FAM228B: variants seen among roughly 807,000 people sequenced by gnomAD.
The protein encoded by FAM228B is protein FAM228B.
FAM228B carries 38 observed loss-of-function variants against 42.6 expected under a neutral mutation model. The observed-to-expected ratio is 0.89, with a 90% confidence interval of 0.69 to 1.17. FAM228B has a LOEUF of 1.17. Ranked by LOEUF, FAM228B falls within the 50% of genes most tolerant of loss-of-function variation. The pLI, the probability that FAM228B is intolerant of heterozygous loss-of-function variation, is 0.00. For synonymous variants in FAM228B, 109 were observed against 122.3 expected (o/e 0.89, Z 0.72); for missense variants, 344 against 367.3 (o/e 0.94, Z 0.52).
intron 7 of FAM228B, among the ~76,000 whole-genome samples, chr2:24,157,737 CA>C (rs11306778): frequency 0.83 from 120,735 of 145,652 alleles, 51,406 homozygotes; most frequent in Non-Finnish European, 0.93. Context: ...GACTCTGTCT[CA>C]AAAAAAAAAA....
At chr2:24,159,295 T>C (rs1667234594) in intron 7 of FAM228B, among the ~76,000 whole-genome samples, 1 of 152,194 alleles carries the variant, frequency 6.6e-6, no homozygotes, top group Non-Finnish European at 1.5e-5. Flanking sequence ...CATCAAAGAA[T>C]CATGTATTGA....
At chr2:24,098,688 A>G (rs1573735902) in intron 3 of FAM228B, among the ~76,000 whole-genome samples, 1 of 152,246 alleles carries the variant, frequency 6.6e-6, no homozygotes, top group Non-Finnish European at 1.5e-5. Flanking sequence ...TTCACAGCCA[A>G]ATTCTACCAG....
chr2:24,166,998 G>A (rs1667432631), intron 9 of FAM228B, among the ~76,000 whole-genome samples: 1 of 152,150 alleles, frequency 6.6e-6, no homozygotes, highest in African/African-American at 2.4e-5. Flanking sequence ...AGCCAGGCAG[G>A]TTGGGGTTAC....
chr2:24,145,116 A>G (rs952520267), intron 5 of FAM228B, among the ~76,000 whole-genome samples: 5 of 152,032 alleles, frequency 3.3e-5, no homozygotes, highest in Admixed American at 6.6e-5. Flanking sequence ...CTGCCCATCC[A>G]CCTGGCCGAC....
chr2:24,086,673 A>C lies in FAM228B; in HGVS notation c.-210+5718A>C, dbSNP rs182626927. Among the ~76,000 whole-genome samples, 4 of 152,248 alleles carry C rather than the reference A, an allele frequency of 2.6e-5. No homozygotes were observed. The South Asian group carries it at 8.3e-4, about 32-fold the overall frequency. Reference sequence around the variant, plus strand: ...GAGCCACTGTGCCCAGCAAGTTTCTATCTGCAATCTGGAAGCTAGAAGAGA... The same window carrying C: ...GAGCCACTGTGCCCAGCAAGTTTCTCTCTGCAATCTGGAAGCTAGAAGAGA... On this transcript the variant is annotated intron_variant, in intron 2 of 10. Transcript: ENST00000613899.
chr2:24,133,000 C>A (rs561269717), intron 2 of FAM228B, among the ~76,000 whole-genome samples: 2 of 152,130 alleles, frequency 1.3e-5, no homozygotes, highest in Non-Finnish European at 2.9e-5. Flanking sequence ...TTCTTTGGCT[C>A]CCTCTTTTCC....
intron 3 of FAM228B, chr2:24,096,373 T>G (rs570035545): frequency 6.6e-6 from 1 of 152,260 alleles, no homozygotes; most frequent in African/African-American, 2.4e-5. Context: ...CGCAAGGAAG[T>G]AAAACCCTTG....
Position 24,077,883 on chromosome 2 carries a change from A to C in FAM228B, c.-290+914A>C, listed in dbSNP as rs944619451. On this transcript the variant is annotated intron_variant, in intron 1 of 10. Transcript: ENST00000613899. The surrounding 1 kb of genome is among the most constrained non-coding windows in gnomAD (Gnocchi z 5.5). Reference sequence around the variant, plus strand: ...TCTGAAAAAGCACACAGGGACACTTAACCCCTCACTTCCTAGCATGTGTGT... The same window carrying C: ...TCTGAAAAAGCACACAGGGACACTTCACCCCTCACTTCCTAGCATGTGTGT... 18 of 1,021,724 alleles carry C rather than the reference A, an allele frequency of 1.8e-5. No individual in the cohort carries two copies. In the African/African-American group the frequency reaches 2.9e-4, roughly 16 times the overall value. The allele number at this position is 1,021,724 out of a possible 1,614,324, so 63.3% of individuals were successfully genotyped here.
intron 3 of FAM228B, chr2:24,097,451 C>CAAAAAAAAAAA (rs142500481): frequency 1.4e-5 from 1 of 70,378 alleles, no homozygotes. Flanking sequence ...AAATGGAAAG[C>CAAAAAAAAAAA]AAAAAAAAAA....
chr2:24,124,388 GGT>G lies in FAM228B; in HGVS notation c.28_29del (p.Val10AsnfsTer27). The G allele has an allele frequency of 1.9e-6, 3 of 1,551,144 alleles. No homozygotes were observed. Among genetic ancestry groups the G allele is most frequent in the Non-Finnish European group, 2.6e-6 (3 of 1,146,770 alleles). On this transcript the variant is annotated frameshift_variant, in exon 2 of 11. Transcript: ENST00000615575. LOFTEE classifies it high-confidence loss of function. MKNVDSDDL[V>X]TGTLPKLKSS... is the part of the protein sequence containing the mutation. ...TGAAAAATGTAGACAGTGATGATCT[GGT>G]AACTGGCACACTTCCCAAGCTCAAG...
At chr2:24,164,656 C>T (rs980362962) in intron 9 of FAM228B, among the ~76,000 whole-genome samples, 4 of 152,202 alleles carry the variant, frequency 2.6e-5, no homozygotes, top group African/African-American at 9.7e-5. Flanking sequence ...CAGCCCCTCT[C>T]TCAGTCCGCC....
intron 5 of FAM228B, among the ~76,000 whole-genome samples, chr2:24,140,261 C>G (rs1218498417): frequency 6.6e-6 from 1 of 152,312 alleles, no homozygotes; most frequent in South Asian, 2.1e-4. Context: ...ATTGCAACCT[C>G]TGCCTCCCGG....
chr2:24,104,721 G>C (rs1475232805), intron 3 of FAM228B, among the ~76,000 whole-genome samples: 1 of 152,204 alleles, frequency 6.6e-6, no homozygotes, highest in African/African-American at 2.4e-5. Flanking sequence ...TGGCCCAGCA[G>C]CTCTGCTTCT....
chr2:24,161,385 G>A (rs1248577030), intron 7 of FAM228B, 121 bp from the exon 8 acceptor site: 1 of 622,158 alleles, frequency 1.6e-6, no homozygotes, highest in Non-Finnish European at 2.8e-6. Flanking sequence ...CCAGGAGGTT[G>A]AGGCTGCAGT....
At chr2:24,107,680 T>C (rs1665723450) in intron 3 of FAM228B, among the ~76,000 whole-genome samples, 1 of 152,178 alleles carries the variant, frequency 6.6e-6, no homozygotes, top group African/African-American at 2.4e-5. Flanking sequence ...AAATGACTTT[T>C]GGGTAAATAA....
intron 3 of FAM228B, among the ~76,000 whole-genome samples, chr2:24,100,269 G>C (rs1310181690): frequency 3.3e-5 from 5 of 152,116 alleles, no homozygotes; most frequent in Non-Finnish European, 5.9e-5. Flanking sequence ...TTGACAAAAG[G>C]GATCTAATTA....
intron 1 of FAM228B, among the ~76,000 whole-genome samples, chr2:24,078,278 G>A (rs976376894): frequency 6.6e-6 from 1 of 150,654 alleles, no homozygotes; most frequent in African/African-American, 2.5e-5. Context: ...ATTGTTCTTT[G>A]TCTAAAAATT....
chr2:24,103,763 C>T (rs1372882906), intron 3 of FAM228B, among the ~76,000 whole-genome samples: 1 of 152,226 alleles, frequency 6.6e-6, no homozygotes, highest in African/African-American at 2.4e-5. Flanking sequence ...GTCAGACTCC[C>T]TGCCTGTCGG....
At chr2:24,154,196 G>T (rs1397322160) in intron 7 of FAM228B, among the ~76,000 whole-genome samples, 1 of 152,260 alleles carries the variant, frequency 6.6e-6, no homozygotes, top group Non-Finnish European at 1.5e-5. Context: ...TGGTTTTGGT[G>T]ATGGTGCTTT....
Sources: gnomAD v4.1 joint callset for allele counts (sites outside exome capture counted in the v4.1 genomes callset) on GRCh38, gnomAD v4.1.1 for gene constraint, Gnocchi (gnomAD v3.1) non-coding constraint, MANE v1.5 for transcripts, NCBI Gene and HGNC (gene_info 2026-07-23, HGNC 2026-07-21) for gene names.